Variants in AOPEP observed in about 807,000 individuals in gnomAD.
AOPEP encodes the protein aminopeptidase O.
Under a neutral mutation model 98.1 loss-of-function variants are expected in AOPEP, and 77 were observed. The ratio of observed to expected loss-of-function variants is 0.78; its 90% CI spans 0.65 to 0.95. AOPEP has a LOEUF of 0.95. Among genes scored for constraint, AOPEP ranks in the 40% least tolerant of loss-of-function variants. The pLI, the probability that AOPEP is intolerant of heterozygous loss-of-function variation, is 0.00. For missense variants in AOPEP, 1,024 were observed against 1,024.7 expected (o/e 1.00, Z 0.01); for synonymous variants, 346 against 365.3 (o/e 0.95, Z 0.60).
chr9:94,929,314 C>T (rs1398378187), intron 7 of AOPEP, among the ~76,000 whole-genome samples: 1 of 152,192 alleles, frequency 6.6e-6, no homozygotes, highest in Non-Finnish European at 1.5e-5. Context: ...CCTGAAGGCC[C>T]ATCTACTTTC....
At chr9:94,919,209 C>T (rs12555128) in intron 5 of AOPEP, among the ~76,000 whole-genome samples, 3,967 of 152,256 alleles carry the variant, frequency 0.026, 77 homozygotes, top group Admixed American at 0.063. Flanking sequence ...ACACTTCTAA[C>T]CTTAAGCCTT....
chr9:94,994,227 G>A (rs1316776412), intron 11 of AOPEP, among the ~76,000 whole-genome samples: 1 of 152,162 alleles, frequency 6.6e-6, no homozygotes, highest in African/African-American at 2.4e-5. Flanking sequence ...CCTGGGTTTT[G>A]CATAAATGCC....
At chr9:94,850,062 T>A (rs952271658) in intron 5 of AOPEP, among the ~76,000 whole-genome samples, 1 of 150,002 alleles carries the variant, frequency 6.7e-6, no homozygotes, top group African/African-American at 2.5e-5. Context: ...GACTATCTAA[T>A]GCTGCTGCTG....
At chr9:94,743,235 A>AGAG (rs1348632465) in intron 1 of AOPEP, among the ~76,000 whole-genome samples, 47 of 141,622 alleles carry the variant, frequency 3.3e-4, no homozygotes, top group Non-Finnish European at 5.3e-4. Flanking sequence ...AAGAAGAGGA[A>AGAG]GAAGAAGAGG....
intron 9 of AOPEP, among the ~76,000 whole-genome samples, chr9:94,967,374 T>C (rs116399296): frequency 2.3e-4 from 35 of 152,270 alleles, no homozygotes; most frequent in African/African-American, 7.9e-4. Context: ...AGTTAGTTCC[T>C]AGACTCTAGG....
At chr9:94,786,747 C>G (rs1844514698) in intron 3 of AOPEP, among the ~76,000 whole-genome samples, 1 of 152,240 alleles carries the variant, frequency 6.6e-6, no homozygotes. Flanking sequence ...GATCTCAGCG[C>G]TGGCTCCAGC....
At chr9:95,020,395 A>G (rs184624156) in intron 13 of AOPEP, among the ~76,000 whole-genome samples, 1 of 152,276 alleles carries the variant, frequency 6.6e-6, no homozygotes, top group Non-Finnish European at 1.5e-5. Context: ...CTTATTGAGG[A>G]CTTTTCCATT....
chr9:94,979,319 G>C (rs368107176), intron 10 of AOPEP, 48 bp from the exon 11 acceptor site: 2 of 1,260,582 alleles, frequency 1.6e-6, no homozygotes, highest in Non-Finnish European at 2.3e-6. Flanking sequence ...TGTAATAAGC[G>C]CTCTGTAACT....
intron 5 of AOPEP, among the ~76,000 whole-genome samples, chr9:94,889,590 T>G (rs1158471852): frequency 1.3e-5 from 2 of 151,922 alleles, no homozygotes; most frequent in Admixed American, 1.3e-4. Context: ...TGGGGTCAAG[T>G]GATCCTCCCA....
At chr9:94,805,295 C>T (rs567284722) in intron 5 of AOPEP, among the ~76,000 whole-genome samples, 295 of 152,180 alleles carry the variant, frequency 1.9e-3, no homozygotes, top group African/African-American at 6.6e-3. Context: ...ATCAGAACAC[C>T]TGGCACCCAG....
At chr9:95,114,200 G>C in the AOPEP span, 1 of 282,298 alleles carries the variant, frequency 3.5e-6, no homozygotes, top group African/African-American at 2.2e-5. Flanking sequence ...CCACCCTACT[G>C]TGTAGGAGTT....
chr9:94,845,347 T>A (rs1371370323), intron 5 of AOPEP, among the ~76,000 whole-genome samples: 1 of 151,890 alleles, frequency 6.6e-6, no homozygotes, highest in Non-Finnish European at 1.5e-5. Flanking sequence ...AGGGAAAAAA[T>A]GGTAGGAAGT....
intron 5 of AOPEP, among the ~76,000 whole-genome samples, chr9:94,820,333 C>T (rs555812192): frequency 5.3e-5 from 8 of 152,212 alleles, no homozygotes; most frequent in African/African-American, 1.7e-4. Context: ...TTTGTATTAA[C>T]CCCCTGTGTT....
chr9:94,968,646 G>A (rs1445936253), intron 10 of AOPEP, among the ~76,000 whole-genome samples: 1 of 152,188 alleles, frequency 6.6e-6, no homozygotes, highest in African/African-American at 2.4e-5. Flanking sequence ...CAAAGTGCTG[G>A]GATTGCCACT....
At chr9:94,750,465 G>T (rs987235284) in intron 1 of AOPEP, among the ~76,000 whole-genome samples, 13 of 151,890 alleles carry the variant, frequency 8.6e-5, no homozygotes, top group Non-Finnish European at 1.9e-4. Flanking sequence ...GGCACCTGTA[G>T]TCCCAGCTAC....
intron 5 of AOPEP, among the ~76,000 whole-genome samples, chr9:94,810,849 C>G (rs1850411360): frequency 6.6e-6 from 1 of 152,124 alleles, no homozygotes; most frequent in Non-Finnish European, 1.5e-5. Context: ...AAACAGATCT[C>G]AAGGGCAGGG....
At chr9:95,102,554 G>A in the AOPEP span, among the ~76,000 whole-genome samples, 545 of 152,322 alleles carry the variant, frequency 3.6e-3, 15 homozygotes, top group East Asian at 0.049. Flanking sequence ...AAGAGTAACC[G>A]ATATATTCAC....
intron 3 of AOPEP, among the ~76,000 whole-genome samples, chr9:94,776,044 T>C (rs1262171608): frequency 6.6e-6 from 1 of 151,922 alleles, no homozygotes; most frequent in Non-Finnish European, 1.5e-5. Context: ...ATTTACGTGG[T>C]TCATTTATAG....
chr9:94,734,139 A>G (rs1831201466), intron 1 of AOPEP, among the ~76,000 whole-genome samples: 1 of 152,184 alleles, frequency 6.6e-6, no homozygotes, highest in Admixed American at 6.5e-5. Flanking sequence ...CTCTAGATAC[A>G]GTGCTCCCCG....
Sources: allele counts gnomAD v4.1 joint callset (sites outside exome capture counted in the v4.1 genomes callset), GRCh38; gene constraint gnomAD v4.1.1; transcripts MANE v1.5; gene names NCBI Gene and HGNC (gene_info 2026-07-23, HGNC 2026-07-21).